SATB2: variants seen among roughly 807,000 people sequenced by gnomAD.
SATB2 encodes DNA-binding protein SATB2.
Under a neutral mutation model 73.4 loss-of-function variants are expected in SATB2, and 1 was observed. That is an observed-to-expected ratio of 0.01 (90% CI 0.00 to 0.06). SATB2 has a LOEUF of 0.06. Among genes scored for constraint, SATB2 ranks in the 10% least tolerant of loss-of-function variants. The probability of loss-of-function intolerance (pLI) is 1.00; values close to 1 mark genes in which losing one functional copy is unlikely to be tolerated. For synonymous variants in SATB2, 397 were observed against 367.0 expected (o/e 1.08, Z -0.93); for missense variants, 459 against 945.8 (o/e 0.49, Z 6.75).
chr2:199,277,494 T>C (rs1692352277), intron 10 of SATB2, among the ~76,000 whole-genome samples: 1 of 152,238 alleles, frequency 6.6e-6, no homozygotes, highest in African/African-American at 2.4e-5. Context: ...CTTTGCACAC[T>C]GAAGCCTATC....
intron 7 of SATB2, among the ~76,000 whole-genome samples, chr2:199,331,718 A>T (rs1393227860): frequency 1.3e-5 from 2 of 152,302 alleles, no homozygotes; most frequent in Non-Finnish European, 1.5e-5. Context: ...CTGCATGCTT[A>T]TAAATGGAAA....
At chr2:199,422,746 A>G (rs1159611329) in intron 3 of SATB2, among the ~76,000 whole-genome samples, 4 of 152,144 alleles carry the variant, frequency 2.6e-5, no homozygotes, top group African/African-American at 9.7e-5. Flanking sequence ...TACGTACTTC[A>G]CAGGGTTATT....
At chr2:199,391,179 CT>C (rs902513850) in intron 3 of SATB2, among the ~76,000 whole-genome samples, 7 of 152,102 alleles carry the variant, frequency 4.6e-5, no homozygotes, top group Non-Finnish European at 1.0e-4. Context: ...GGCGCGGTGG[CT>C]CACGCCTGTA....
intron 3 of SATB2, among the ~76,000 whole-genome samples, chr2:199,430,091 A>G (rs1691456530): frequency 6.6e-6 from 1 of 152,208 alleles, no homozygotes; most frequent in African/African-American, 2.4e-5. Context: ...AATATGAATG[A>G]ATAGCTACTC....
At chr2:199,466,234 C>G (rs926865118), upstream of SATB2, among the ~76,000 whole-genome samples, 2 of 152,200 alleles carry the variant, frequency 1.3e-5, no homozygotes, top group Non-Finnish European at 2.9e-5. Context: ...GGACACCCAA[C>G]AGCTGGGGCA....
chr2:199,307,137 A>T (rs955418578), intron 10 of SATB2, among the ~76,000 whole-genome samples: 1 of 152,048 alleles, frequency 6.6e-6, no homozygotes, highest in African/African-American at 2.4e-5. Context: ...GGGGAGTGAT[A>T]GATTTTCATA....
At chr2:199,290,280 T>TA (rs1692817310) in intron 10 of SATB2, among the ~76,000 whole-genome samples, 1 of 152,272 alleles carries the variant, frequency 6.6e-6, no homozygotes, top group South Asian at 2.1e-4. Flanking sequence ...TTCTCTTACT[T>TA]ATACGCTGTA....
intron 3 of SATB2, among the ~76,000 whole-genome samples, chr2:199,429,713 C>T (rs559826467): frequency 6.6e-6 from 1 of 152,138 alleles, no homozygotes; most frequent in South Asian, 2.1e-4. Flanking sequence ...AGTTCAAGAC[C>T]AGCCTGGCCA....
chr2:199,377,285 G>A (rs778711232), intron 5 of SATB2, among the ~76,000 whole-genome samples: 11 of 152,082 alleles, frequency 7.2e-5, no homozygotes, highest in Non-Finnish European at 1.3e-4. Flanking sequence ...AGGCTGACGC[G>A]GGAGAATCGC....
chr2:199,353,626 C>T (rs946564930), intron 6 of SATB2, among the ~76,000 whole-genome samples: 3 of 152,018 alleles, frequency 2.0e-5, no homozygotes, highest in Non-Finnish European at 2.9e-5. Flanking sequence ...TGAGCCTGAG[C>T]GTTCTTTCTT....
intron 10 of SATB2, among the ~76,000 whole-genome samples, chr2:199,288,510 T>G (rs141661049): frequency 1.3e-5 from 2 of 152,174 alleles, no homozygotes; most frequent in East Asian, 3.9e-4. Flanking sequence ...AATCCCACAT[T>G]AGGCCACATT....
chr2:199,319,084 A>G (rs775476095), intron 9 of SATB2, among the ~76,000 whole-genome samples: 2 of 152,076 alleles, frequency 1.3e-5, no homozygotes, highest in African/African-American at 2.4e-5. Flanking sequence ...TACATGAAGC[A>G]TAGAACATAC....
At chr2:199,289,209 G>A (rs1363931620) in intron 10 of SATB2, among the ~76,000 whole-genome samples, 24 of 56,478 alleles carry the variant, frequency 4.2e-4, no homozygotes, top group Admixed American at 3.5e-3. Flanking sequence ...AACCAGGTAT[G>A]GACAGACTTT....
rs149376753 is a variant in SATB2 at position 199,429,849 on chromosome 2, G to A, written c.346+3489C>T. On this transcript the variant is annotated intron_variant, in intron 3 of 10. Coordinates refer to ENST00000417098, the MANE Select transcript of SATB2 (RefSeq NM_001172509.2). ...CGCCTGAAACCGGCAGGCAGAGGTT[G>A]CAGTGAGCCAAGATCGTGCCCCTGC... Among the ~76,000 whole-genome samples the A allele has an allele frequency of 5.5e-3, 840 of 152,340 alleles. 10 individuals are homozygous for A. Among genetic ancestry groups the A allele is most frequent in the African/African-American group, 0.019 (795 of 41,574 alleles).
intron 3 of SATB2, among the ~76,000 whole-genome samples, chr2:199,399,109 AAAAAAT>A (rs1399442632): frequency 1.3e-5 from 2 of 152,002 alleles, no homozygotes; most frequent in Non-Finnish European, 2.9e-5. Context: ...CATCTCTACA[AAAAAAT>A]ATAAACACTA....
intron 6 of SATB2, among the ~76,000 whole-genome samples, chr2:199,349,891 CTT>C (rs1002492541): frequency 1.2e-4 from 19 of 152,164 alleles, no homozygotes; most frequent in African/African-American, 4.6e-4. Flanking sequence ...AAAAGAATAA[CTT>C]TGAAAGGGAA....
At position 199,308,380 on chromosome 2, in the gene SATB2, T is replaced by C. The variant is rs569404907; in HGVS notation, c.1740+380A>G. Among the ~76,000 whole-genome samples, 1 of 152,308 alleles carries C rather than the reference T, an allele frequency of 6.6e-6. No individual in the cohort carries two copies. The highest frequency in any genetic ancestry group is 1.5e-5 in the Non-Finnish European group (1 of 68,028). ...CTTTGAGGGATTTTGGATGCAAAACTACTTCACAGGTTTTTTATAGAAAAT... is the reference window on the plus strand; with the variant it reads ...CTTTGAGGGATTTTGGATGCAAAACCACTTCACAGGTTTTTTATAGAAAAT... On this transcript the variant is annotated intron_variant, in intron 10 of 10. Transcript: ENST00000417098. The surrounding 1 kb of genome is among the most constrained non-coding windows in gnomAD (Gnocchi z 4.6).
intron 3 of SATB2, among the ~76,000 whole-genome samples, chr2:199,401,470 T>C (rs1187832367): frequency 2.6e-5 from 4 of 151,662 alleles, no homozygotes; most frequent in African/African-American, 9.7e-5. Flanking sequence ...GGAGAATTGC[T>C]TGAACCCGGG....
chr2:199,447,001 C>T (rs935228898), intron 2 of SATB2, among the ~76,000 whole-genome samples: 1 of 152,196 alleles, frequency 6.6e-6, no homozygotes, highest in Non-Finnish European at 1.5e-5. Flanking sequence ...TGATGGCCGA[C>T]ATTATCTGCA....
Sources: allele counts gnomAD v4.1 joint callset (sites outside exome capture counted in the v4.1 genomes callset), GRCh38; gene constraint gnomAD v4.1.1; non-coding constraint Gnocchi (gnomAD v3.1); transcripts MANE v1.5; gene names NCBI Gene and HGNC (gene_info 2026-07-23, HGNC 2026-07-21).